TTC3: variants seen among roughly 807,000 people sequenced by gnomAD.
TTC3 encodes E3 ubiquitin-protein ligase TTC3.
In TTC3, 180 loss-of-function variants were observed where a neutral mutation model predicts 249.6. That is an observed-to-expected ratio of 0.72 (90% CI 0.64 to 0.82). The LOEUF (loss-of-function observed/expected upper bound fraction) is 0.82. Ranked by LOEUF, TTC3 falls within the 40% of genes least tolerant of loss-of-function variation. The pLI, the probability that TTC3 is intolerant of heterozygous loss-of-function variation, is 0.00. For synonymous variants in TTC3, 717 were observed against 805.0 expected (o/e 0.89, Z 1.85); for missense variants, 2,061 against 2,398.4 (o/e 0.86, Z 2.94).
At chr21:37,122,142 T>A (rs189248627) in intron 12 of TTC3, among the ~76,000 whole-genome samples, 163 bp downstream of exon 12, 40 of 152,216 alleles carry the variant, frequency 2.6e-4, no homozygotes, top group Middle Eastern at 3.4e-3. Flanking sequence ...CATTTCTATC[T>A]GTGTAGAGTT....
intron 35 of TTC3, among the ~76,000 whole-genome samples, chr21:37,180,863 A>G (rs922366527): frequency 2.0e-5 from 3 of 151,974 alleles, no homozygotes; most frequent in Admixed American, 6.6e-5. Flanking sequence ...AAAATTAAAT[A>G]TTTATGTATA....
At chr21:37,118,498 T>C (rs2076337719) in intron 11 of TTC3, among the ~76,000 whole-genome samples, 1 of 152,202 alleles carries the variant, frequency 6.6e-6, no homozygotes, top group African/African-American at 2.4e-5. Flanking sequence ...TCATATAGGA[T>C]ACAAACTAAT....
At chr21:37,160,999 C>T in intron 30 of TTC3, 141 bp downstream of exon 30, 2 of 746,822 alleles carry the variant, frequency 2.7e-6, no homozygotes, top group East Asian at 3.2e-5. Flanking sequence ...GATGTTTTGG[C>T]AGTCTTCTAC....
intron 1 of TTC3, among the ~76,000 whole-genome samples, chr21:37,079,670 T>C (rs9981706): frequency 0.46 from 68,757 of 150,902 alleles, 16,177 homozygotes; most frequent in Non-Finnish European, 0.52. Context: ...TAGCTGGGAT[T>C]ACAGCCGTGC....
At chr21:37,087,064 G>T in intron 1 of TTC3, 183 bp from the exon 2 acceptor site, 1 of 616,458 alleles carries the variant, frequency 1.6e-6, no homozygotes, top group South Asian at 2.2e-5. Context: ...AAATTATCTG[G>T]AGAGAGAGGA....
At chr21:37,140,702 C>G (rs528864763) in intron 20 of TTC3, 29 bp downstream of exon 20, 3 of 1,466,120 alleles carry the variant, frequency 2.0e-6, no homozygotes, top group Non-Finnish European at 1.9e-6. Context: ...ACTTTAAGCT[C>G]TAGGCTGGTA....
intron 30 of TTC3, among the ~76,000 whole-genome samples, chr21:37,161,422 C>T (rs1052586311): frequency 6.6e-6 from 1 of 152,216 alleles, no homozygotes; most frequent in African/African-American, 2.4e-5. Flanking sequence ...ATGACAGGCG[C>T]ATGCCACCAT....
At chr21:37,090,722 C>T (rs1484700944) in intron 6 of TTC3, 3 of 180,270 alleles carry the variant, frequency 1.7e-5, no homozygotes, top group Non-Finnish European at 2.1e-5. Context: ...TTTGAAGTTA[C>T]TTTAGACATT....
exon 1 of TTC3, chr21:37,073,296 TGGCGGCGGCGGC>T (rs879750802): frequency 9.9e-5 from 25 of 253,806 alleles, no homozygotes; most frequent in Non-Finnish European, 1.5e-4. Context: ...GGGCCGGAGG[TGGCGGCGGCGGC>T]GGCGGCGGCT....
Position 37,164,225 on chromosome 21 carries a change from T to C in TTC3, c.3335+10T>C. On this transcript the variant is annotated intron_variant, in intron 32 of 45. Transcript: ENST00000355666. ...GTTCAACTCTATATGAGTAAGTGGGTTGAAATTTTTACAACCATTATTTTA... is the reference window on the plus strand; with the variant it reads ...GTTCAACTCTATATGAGTAAGTGGGCTGAAATTTTTACAACCATTATTTTA... 1 of 1,555,056 alleles carries C rather than the reference T, an allele frequency of 6.4e-7. No individual in the cohort carries two copies. Among genetic ancestry groups the C allele is most frequent in the South Asian group, 1.2e-5 (1 of 82,220 alleles).
chr21:37,182,522 C>T (rs922029290), intron 35 of TTC3, among the ~76,000 whole-genome samples: 1 of 152,170 alleles, frequency 6.6e-6, no homozygotes, highest in African/African-American at 2.4e-5. Context: ...CTGGGCACGT[C>T]GGAGTGGTTC....
At chr21:37,147,385 G>C in intron 21 of TTC3, 96 bp from the exon 22 acceptor site, 1 of 1,223,156 alleles carries the variant, frequency 8.2e-7, no homozygotes, top group Non-Finnish European at 1.1e-6. Context: ...TTCTTATGCT[G>C]AAAATATTTT....
chr21:37,184,629 A>ATTT (rs765134090), intron 36 of TTC3, among the ~76,000 whole-genome samples: 2,608 of 121,518 alleles, frequency 0.021, 113 homozygotes, highest in African/African-American at 0.072. Flanking sequence ...TAATTTTTCT[A>ATTT]TTTTTTTTTT....
exon 32 of TTC3, chr21:37,164,138 A>C: frequency 1.2e-6 from 2 of 1,613,908 alleles, no homozygotes; most frequent in Non-Finnish European, 1.7e-6. Flanking sequence ...TCTATGACCA[A>C]CACAGTAACG....
intron 35 of TTC3, among the ~76,000 whole-genome samples, chr21:37,173,398 T>A (rs554295340): frequency 6.6e-6 from 1 of 152,272 alleles, no homozygotes; most frequent in East Asian, 1.9e-4. Flanking sequence ...CCAGAGTATT[T>A]TGTTGAGATC....
chr21:37,129,166 A>T (rs2077274468), intron 16 of TTC3, 103 bp downstream of exon 16: 1 of 591,522 alleles, frequency 1.7e-6, no homozygotes, highest in African/African-American at 1.9e-5. Context: ...TAATGTATGT[A>T]TTATGATGAC....
chr21:37,166,081 G>A (rs773438251), exon 33 of TTC3: 57 of 1,614,078 alleles, frequency 3.5e-5, no homozygotes, highest in Non-Finnish European at 4.7e-5. Context: ...CAAATTACAA[G>A]CGAGTCTCCT....
intron 23 of TTC3, among the ~76,000 whole-genome samples, chr21:37,148,948 CA>C (rs34159226): frequency 0.3 from 45,533 of 151,928 alleles, 7,322 homozygotes; most frequent in South Asian, 0.52. Flanking sequence ...TTCAGCCTCC[CA>C]AAGTGCTGGG....
chr21:37,167,764 G>T, intron 34 of TTC3, 144 bp downstream of exon 34: 1 of 478,012 alleles, frequency 2.1e-6, no homozygotes, highest in Non-Finnish European at 3.4e-6. Flanking sequence ...ACAAAAAAAT[G>T]ATTTTGTTTT....
Sources: gnomAD v4.1 joint callset for allele counts (sites outside exome capture counted in the v4.1 genomes callset) on GRCh38, gnomAD v4.1.1 for gene constraint, MANE v1.5 for transcripts, NCBI Gene and HGNC (gene_info 2026-07-23, HGNC 2026-07-21) for gene names.